NFATC2: variants seen among roughly 807,000 people sequenced by gnomAD.
NFATC2 encodes the protein nuclear factor of activated T cells 2.
Under a neutral mutation model 87.3 loss-of-function variants are expected in NFATC2, and 22 were observed. That is an observed-to-expected ratio of 0.25 (90% CI 0.18 to 0.36). NFATC2 has a LOEUF of 0.36. NFATC2 is among the 10% of genes least tolerant of loss of function. The probability of loss-of-function intolerance (pLI) is 1.00; values close to 1 mark genes in which losing one functional copy is unlikely to be tolerated. For synonymous variants in NFATC2, 565 were observed against 542.2 expected, an observed-to-expected ratio of 1.04 and a Z score of -0.58; for missense variants, 1,149 against 1,259.1, an observed-to-expected ratio of 0.91 and a Z score of 1.32.
At chr20:51,534,207 G>C (rs1255305460) in intron 1 of NFATC2, among the ~76,000 whole-genome samples, 2 of 151,636 alleles carry the variant, frequency 1.3e-5, no homozygotes. Context: ...CAAAAAGTCA[G>C]GGCAAAGCTT....
chr20:51,434,159 A>G (rs1323160917), intron 8 of NFATC2, among the ~76,000 whole-genome samples: 2 of 152,034 alleles, frequency 1.3e-5, no homozygotes, highest in African/African-American at 4.8e-5. Flanking sequence ...GGGTCAACAC[A>G]AAACTGTGGG....
intron 1 of NFATC2, among the ~76,000 whole-genome samples, chr20:51,561,397 GAGAA>G (rs1315464920): frequency 5.1e-5 from 7 of 137,532 alleles, no homozygotes; most frequent in South Asian, 4.6e-4. Context: ...AAGAAAGAGA[GAGAA>G]AGAAAAGAAA....
chr20:51,484,666 C>T (rs537371977), intron 3 of NFATC2, among the ~76,000 whole-genome samples: 111 of 152,354 alleles, frequency 7.3e-4, no homozygotes, highest in African/African-American at 1.2e-3. Context: ...CCAGCTTGGG[C>T]AATTCTCCTC....
chr20:51,485,098 C>T (rs1156308834), intron 3 of NFATC2, among the ~76,000 whole-genome samples: 4 of 152,212 alleles, frequency 2.6e-5, no homozygotes, highest in Admixed American at 2.6e-4. Flanking sequence ...TCAAGAGAGA[C>T]TTGATGGCCC....
intron 5 of NFATC2, among the ~76,000 whole-genome samples, chr20:51,456,598 T>C (rs1403806718): frequency 1.3e-5 from 2 of 152,150 alleles, no homozygotes; most frequent in Non-Finnish European, 1.5e-5. Context: ...TCCTCAGGCC[T>C]CTCTCCTTCC....
intron 3 of NFATC2, among the ~76,000 whole-genome samples, chr20:51,506,981 C>G (rs2076193963): frequency 6.6e-6 from 1 of 152,258 alleles, no homozygotes; most frequent in Non-Finnish European, 1.5e-5. Flanking sequence ...CTGCGCTGAG[C>G]TGCCGCAGAG....
intron 6 of NFATC2, among the ~76,000 whole-genome samples, chr20:51,444,896 A>G (rs1327510454): frequency 6.6e-6 from 1 of 151,986 alleles, no homozygotes; most frequent in Non-Finnish European, 1.5e-5. Context: ...ACACTGCTCA[A>G]ATGGATTTAC....
chr20:51,479,187 T>C (rs1989017201), intron 3 of NFATC2, among the ~76,000 whole-genome samples: 1 of 152,230 alleles, frequency 6.6e-6, no homozygotes, highest in South Asian at 2.1e-4. Flanking sequence ...TTCATTAACA[T>C]CTGAAATTTC....
At chr20:51,549,906 T>G (rs555698157) in intron 1 of NFATC2, among the ~76,000 whole-genome samples, 2 of 152,320 alleles carry the variant, frequency 1.3e-5, no homozygotes, top group African/African-American at 4.8e-5. Context: ...TCTGAATACT[T>G]TTTGAACAAG....
At chr20:51,410,033 AC>A (rs1428889638) in intron 9 of NFATC2, among the ~76,000 whole-genome samples, 1 of 151,930 alleles carries the variant, frequency 6.6e-6, no homozygotes, top group Admixed American at 6.6e-5. Context: ...ACACGGTGAA[AC>A]CCCGTCTCTA....
intron 1 of NFATC2, among the ~76,000 whole-genome samples, chr20:51,531,117 C>T (rs145222319): frequency 3.9e-5 from 6 of 152,362 alleles, no homozygotes; most frequent in South Asian, 4.1e-4. Flanking sequence ...TCCCTCTCCC[C>T]GTTGTGGCAA....
At chr20:51,544,960 A>G (rs548058304), upstream of NFATC2, among the ~76,000 whole-genome samples, 178 of 152,342 alleles carry the variant, frequency 1.2e-3, no homozygotes, top group African/African-American at 4.0e-3. Context: ...TTTCCTAACT[A>G]TAAGCACTTC....
upstream of NFATC2, among the ~76,000 whole-genome samples, chr20:51,547,537 G>C (rs2146823444): frequency 6.6e-6 from 1 of 152,262 alleles, no homozygotes; most frequent in East Asian, 1.9e-4. Context: ...CCTTCTGGTA[G>C]AAAGCTCATT....
intron 10 of NFATC2, among the ~76,000 whole-genome samples, chr20:51,393,950 C>A (rs973606217): frequency 1.3e-5 from 2 of 152,058 alleles, no homozygotes; most frequent in African/African-American, 4.8e-5. Flanking sequence ...AGCATGTTTC[C>A]CTCTTCTTGG....
In NFATC2 at chr20:51,524,207, A is replaced by T; in HGVS notation, c.131-97T>A. ...GGCTGGATTTCGTCTCACGTCGTTT[A>T]TTTTTTTCAAATTCCCACCATGCCA... On this transcript the variant is annotated intron_variant, in intron 1 of 10. Transcript: ENST00000371564. The surrounding 1 kb of genome is among the most constrained non-coding windows in gnomAD (Gnocchi z 4.0). 1 of 1,179,552 alleles carries T rather than the reference A, an allele frequency of 8.5e-7. No individual in the cohort carries two copies. The highest frequency in any genetic ancestry group is 1.1e-6 in the Non-Finnish European group (1 of 904,280). 73.1% of individuals were successfully genotyped at this position (1,179,552 alleles called of 1,614,324 possible). A position where few individuals can be genotyped will look rare whatever the true frequency, so the allele number is the denominator to read the frequency against.
At chr20:51,532,753 AGGCG>A in intron 1 of NFATC2, among the ~76,000 whole-genome samples, 1 of 152,342 alleles carries the variant, frequency 6.6e-6, no homozygotes, top group East Asian at 1.9e-4. Flanking sequence ...CTAGAACTGC[AGGCG>A]GGTGGAATTT....
chr20:51,419,977 C>T (rs1423972497), intron 9 of NFATC2, among the ~76,000 whole-genome samples: 1 of 150,618 alleles, frequency 6.6e-6, no homozygotes, highest in Non-Finnish European at 1.5e-5. Flanking sequence ...TCTTAAAACA[C>T]CAATTATGCT....
intron 2 of NFATC2, 146 bp from the exon 3 acceptor site, chr20:51,517,101 T>A: frequency 1.2e-6 from 1 of 842,238 alleles, no homozygotes; most frequent in Non-Finnish European, 1.8e-6. Context: ...AATGCACCAT[T>A]ATGTGAACAT....
intron 1 of NFATC2, among the ~76,000 whole-genome samples, chr20:51,551,823 C>T (rs1216704360): frequency 1.3e-5 from 2 of 151,502 alleles, no homozygotes; most frequent in Non-Finnish European, 2.9e-5. Context: ...GTCAGGAGAT[C>T]AAGACCATCC....
Sources: gnomAD v4.1 joint callset for allele counts (sites outside exome capture counted in the v4.1 genomes callset) on GRCh38, gnomAD v4.1.1 for gene constraint, Gnocchi (gnomAD v3.1) non-coding constraint, MANE v1.5 for transcripts, NCBI Gene and HGNC (gene_info 2026-07-23, HGNC 2026-07-21) for gene names.